The following PMM1 variants were observed in gnomAD, a reference collection of about 807,000 sequenced individuals.
PMM1 encodes the protein phosphomannomutase 1.
In PMM1, 25 loss-of-function variants were observed where a neutral mutation model predicts 34.0. The observed-to-expected ratio is 0.73, with a 90% CI of 0.54 to 1.03. The LOEUF is 1.03. Ranked by LOEUF, PMM1 falls within the 50% of genes least tolerant of loss-of-function variation. The pLI is 0.00. For synonymous variants in PMM1, 134 were observed against 143.9 expected (o/e 0.93, Z 0.49); for missense variants, 321 against 350.1 (o/e 0.92, Z 0.66).
intron 1 of PMM1, chr22:41,588,955 G>C: frequency 3.3e-5 from 37 of 1,116,300 alleles, no homozygotes; most frequent in Non-Finnish European, 4.4e-5. Context: ...GGGGGCTTTT[G>C]GGGACTCACT....
chr22:41,581,136 C>CCAAAACCAAA (rs2067242752), intron 5 of PMM1, among the ~76,000 whole-genome samples: 1 of 125,578 alleles, frequency 8.0e-6, no homozygotes, highest in South Asian at 2.6e-4. Flanking sequence ...AAAAAAAAAA[C>CCAAAACCAAA]CCAAAACCAA....
rs1172158540 is a variant in PMM1, at chr22:41,577,306, T to C, written c.*12A>G. ...CTCTTCAGAAGTCACGACACACAGA[T>C]GTGGGCCCCGGTCACGCCTCATGAG... On this transcript the variant is annotated 3_prime_UTR_variant, in exon 8 of 8. Coordinates refer to ENST00000216259, the MANE Select transcript of PMM1 (RefSeq NM_002676.3). The C allele has an allele frequency of 3.7e-6, 6 of 1,612,646 alleles. No individual in the cohort carries two copies. Among genetic ancestry groups the C allele is most frequent in the Non-Finnish European group, 5.1e-6 (6 of 1,179,998 alleles).
chr22:41,586,494 T>C (rs2145629935), intron 1 of PMM1: 1 of 346,112 alleles, frequency 2.9e-6, no homozygotes. Flanking sequence ...CGAATTTTTG[T>C]TCTGTCATCC....
At chr22:41,589,410 T>G in intron 1 of PMM1, 1 of 504,202 alleles carries the variant, frequency 2.0e-6, no homozygotes, top group Non-Finnish European at 3.6e-6. Flanking sequence ...AGCCAGGCCT[T>G]AGCGGCGTGT....
At chr22:41,584,850 G>A (rs563530208) in intron 2 of PMM1, 13 of 445,434 alleles carry the variant, frequency 2.9e-5, no homozygotes, top group Admixed American at 1.9e-4. Flanking sequence ...TGTCAGAACC[G>A]CCCTTCCCTG....
chr22:41,586,278 C>A, intron 1 of PMM1, 85 bp from the exon 2 acceptor site: 2 of 1,577,592 alleles, frequency 1.3e-6, no homozygotes, highest in East Asian at 4.6e-5. Flanking sequence ...GCTGAGAACC[C>A]AGGAAGCCCA....
intron 1 of PMM1, 112 bp downstream of exon 1, chr22:41,589,607 C>G: frequency 1.1e-6 from 1 of 925,616 alleles, no homozygotes; most frequent in South Asian, 1.6e-5. Flanking sequence ...ACCGCCGCAT[C>G]CCACACTCGG....
chr22:41,589,642 G>T, intron 1 of PMM1, 77 bp downstream of exon 1: 3 of 1,272,124 alleles, frequency 2.4e-6, no homozygotes, highest in Non-Finnish European at 2.2e-6. Context: ...CGGTCACGCT[G>T]CTGCAGACCC....
At position 41,577,856 on chromosome 22, in the gene PMM1, G is replaced by T; in HGVS notation, c.618C>A (p.Asp206Glu). Residue 206 changes from aspartate (D) to glutamate (E), a missense_variant, in exon 7 of 8, where the codon GAC (aspartate) becomes GAA (glutamate). Physicochemically the swap from Asp to Glu is conservative, Grantham distance 45 (BLOSUM62 2). Coordinates refer to ENST00000216259, the MANE Select transcript of PMM1 (RefSeq NM_002676.3). The stretch of plus-strand genomic sequence containing the variant: ...AGTGGATGGTGTCGAAGCTGTCCTG[G>T]TCCAGGCTATCCAGGCAGTAGCGCT... Reference protein sequence around the residue: ...WDKRYCLDSLDQDSFDTIHFF... With the variant: ...WDKRYCLDSLEQDSFDTIHFF... 1 of 1,613,544 alleles carries T rather than the reference G, an allele frequency of 6.2e-7. No individual in the cohort carries two copies. Among genetic ancestry groups the T allele is most frequent in the East Asian group, 2.2e-5 (1 of 44,890 alleles).
At chr22:41,586,387 C>A in intron 1 of PMM1, 194 bp from the exon 2 acceptor site, 1 of 957,018 alleles carries the variant, frequency 1.0e-6, no homozygotes, top group Admixed American at 3.9e-5. Flanking sequence ...CTTTGCGAGG[C>A]CAAGGCAGAA....
rs763501812 is a variant in PMM1 at position 41,577,336 on chromosome 22, C to G, written c.771G>C (p.Glu257Asp). 6.2e-6 allele frequency: 10 copies of G among 1,612,942 alleles called. No homozygotes were observed. In the Admixed American group the frequency reaches 1.3e-4, roughly 22 times the overall value. Residue 257 changes from glutamate (E) to aspartate (D), a missense_variant, in exon 8 of 8, where the codon GAG becomes GAC. Transcript: ENST00000216259. ...VQRCREIFFPETAHEA is the reference protein window; with the variant it reads ...VQRCREIFFPDTAHEA Reference sequence around the variant, plus strand: ...GCCCCGGTCACGCCTCATGAGCTGTCTCTGGGAAGAAAATCTCCCGGCATC... The same window carrying G: ...GCCCCGGTCACGCCTCATGAGCTGTGTCTGGGAAGAAAATCTCCCGGCATC...
chr22:41,589,258 T>G, intron 1 of PMM1: 1 of 517,808 alleles, frequency 1.9e-6, no homozygotes. Flanking sequence ...CGAGACGCCC[T>G]GTCTCCCACC....
chr22:41,587,237 TCCAG>T (rs1373511955), intron 1 of PMM1, among the ~76,000 whole-genome samples: 1 of 144,440 alleles, frequency 6.9e-6, no homozygotes, highest in Admixed American at 7.1e-5. Context: ...GCCACTGCAC[TCCAG>T]CCTGGGCGAC....
intron 6 of PMM1, 43 bp downstream of exon 6, chr22:41,578,763 G>T: frequency 6.5e-7 from 1 of 1,532,558 alleles, no homozygotes; most frequent in Non-Finnish European, 9.0e-7. Context: ...TTGAGGAGGG[G>T]CCCTGTACCA....
At chr22:41,580,528 G>A (rs997824851) in intron 5 of PMM1, 2 of 152,136 alleles carry the variant, frequency 1.3e-5, no homozygotes, top group African/African-American at 4.8e-5. Flanking sequence ...TACACATAAG[G>A]AAACTGAGGC....
intron 1 of PMM1, chr22:41,588,885 G>A: frequency 1.0e-6 from 1 of 978,354 alleles, no homozygotes; most frequent in African/African-American, 1.7e-5. Context: ...AGACTGGAGG[G>A]TGGGTTACCC....
rs747893287 is a variant in PMM1 at position 41,584,301 on chromosome 22, C to T, written c.354G>A (p.Leu118=). 6.2e-7 allele frequency: 1 copy of T among 1,614,138 alleles called. No homozygotes were observed. Among genetic ancestry groups the T allele is most frequent in the Admixed American group, 1.7e-5 (1 of 60,022 alleles). The change falls in exon 4 of 8, where the codon CTG becomes CTA. Residue 118 remains leucine (L), a synonymous_variant. Coordinates refer to ENST00000216259, the MANE Select transcript of PMM1 (RefSeq NM_002676.3). ...CTCACCGCTTCTTGGGCAGCCTGAGCAGGGCCATGTAGCTGAGGCAGAAGT... is the reference window on the plus strand; with the variant it reads ...CTCACCGCTTCTTGGGCAGCCTGAGTAGGGCCATGTAGCTGAGGCAGAAGT... ...LINFCLSYMA[L]LRLPKKRGTF...
chr22:41,589,172 G>T (rs781437523), intron 1 of PMM1: 5 of 1,273,862 alleles, frequency 3.9e-6, no homozygotes, highest in Non-Finnish European at 5.2e-6. Flanking sequence ...GACTGGGGGT[G>T]GAAGGTAAAG....
intron 4 of PMM1, 73 bp downstream of exon 4, chr22:41,584,208 G>C: frequency 7.0e-7 from 1 of 1,428,910 alleles, no homozygotes; most frequent in Non-Finnish European, 9.9e-7. Context: ...GTATCTCCAG[G>C]TTCCCTCTGA....
Sources: gnomAD v4.1 joint callset for allele counts (sites outside exome capture counted in the v4.1 genomes callset) on GRCh38, gnomAD v4.1.1 for gene constraint, MANE v1.5 for transcripts, NCBI Gene and HGNC (gene_info 2026-07-23, HGNC 2026-07-21) for gene names.